Variants in PYROXD2 observed in about 807,000 individuals in gnomAD.
PYROXD2 encodes the protein pyridine nucleotide-disulphide oxidoreductase domain 2.
A neutral mutation model predicts 71.1 loss-of-function variants in PYROXD2; 69 were observed. The observed-to-expected ratio is 0.97, with a 90% CI of 0.80 to 1.19. The LOEUF (loss-of-function observed/expected upper bound fraction) is 1.19, where lower values mean the gene tolerates loss of function less well. PYROXD2 is among the 50% of genes most tolerant of loss of function. PYROXD2 has a pLI of 0.00. For synonymous variants in PYROXD2, 287 were observed against 302.7 expected (o/e 0.95, Z 0.54); for missense variants, 745 against 748.9 (o/e 0.99, Z 0.06).
chr10:98,396,814 C>A (rs1843201427), intron 6 of PYROXD2, among the ~76,000 whole-genome samples: 1 of 152,186 alleles, frequency 6.6e-6, no homozygotes, highest in Non-Finnish European at 1.5e-5. Flanking sequence ...CAGGGCAGGG[C>A]ACTCATGGGA....
intron 4 of PYROXD2, among the ~76,000 whole-genome samples, chr10:98,404,347 G>T (rs1843521580): frequency 6.6e-6 from 1 of 152,136 alleles, no homozygotes; most frequent in South Asian, 2.1e-4. Flanking sequence ...GAGCTGTGCT[G>T]GAGACTGTGA....
chr10:98,414,932 TC>T (rs1843947681), intron 1 of PYROXD2, 76 bp downstream of exon 1: 3 of 1,506,616 alleles, frequency 2.0e-6, no homozygotes, highest in African/African-American at 1.4e-5. Context: ...TGGCTCCCCC[TC>T]CCCCTCCCCA....
In PYROXD2 at chr10:98,387,279, A is replaced by T; in HGVS notation, c.1476T>A (p.Pro492=). ...RVFDCIEVYA[P]GFKDSVVGRD... ...TGCCAACCACAGAGTCCTTGAAGCCAGGGGCATAGACCTCGATGCAATCAA... is the reference window on the plus strand; with the variant it reads ...TGCCAACCACAGAGTCCTTGAAGCCTGGGGCATAGACCTCGATGCAATCAA... The change falls in exon 14 of 16, where the codon CCT becomes CCA. Residue 492 remains proline (P), a synonymous_variant. Transcript: ENST00000370575. 1 of 1,614,144 alleles carries T rather than the reference A, an allele frequency of 6.2e-7. No individual in the cohort carries two copies. The highest frequency in any genetic ancestry group is 8.5e-7 in the Non-Finnish European group (1 of 1,179,988).
chr10:98,384,712 C>CCTCCTGAAGGGGAGGTGTGAG (rs1302185995), intron 15 of PYROXD2, among the ~76,000 whole-genome samples: 1 of 152,220 alleles, frequency 6.6e-6, no homozygotes, highest in African/African-American at 2.4e-5. Context: ...CATCCCCAGG[C>CCTCCTGAAGGGGAGGTGTGAG]CTCCTGAAGG....
In PYROXD2 at chr10:98,389,244, T is replaced by C. The variant is rs1050492687; in HGVS notation, c.1293-736A>G. 2.6e-5 allele frequency among the ~76,000 whole-genome samples: 4 copies of C among 152,284 alleles called. 1 individual carries two copies. The highest frequency in any genetic ancestry group is 6.5e-5 in the Admixed American group (1 of 15,300). ...AGGCATCATTTCACAGTCGCTCCTT[T>C]TTTTGACCCACATCCCACTCCCTAT... On this transcript the variant is annotated intron_variant, in intron 12 of 15. Coordinates refer to ENST00000370575, the MANE Select transcript of PYROXD2 (RefSeq NM_032709.3).
chr10:98,392,759 C>G (rs1842989657), intron 9 of PYROXD2, among the ~76,000 whole-genome samples, 183 bp downstream of exon 9: 1 of 152,198 alleles, frequency 6.6e-6, no homozygotes, highest in African/African-American at 2.4e-5. Context: ...GTTCAGTGAC[C>G]AGGGAATTCC....
chr10:98,404,185 CG>C (rs61263072), intron 4 of PYROXD2, among the ~76,000 whole-genome samples: 1,805 of 152,266 alleles, frequency 0.012, 41 homozygotes, highest in African/African-American at 0.04. Context: ...TGTCAATCGC[CG>C]AGTTTTGGCC....
intron 4 of PYROXD2, among the ~76,000 whole-genome samples, chr10:98,400,582 T>C (rs986084937): frequency 6.6e-5 from 10 of 151,708 alleles, no homozygotes; most frequent in African/African-American, 2.2e-4. Context: ...ACACACACCA[T>C]GTCATACCAC....
chr10:98,395,711 C>T (rs529747513), intron 6 of PYROXD2, among the ~76,000 whole-genome samples: 19 of 152,268 alleles, frequency 1.2e-4, no homozygotes, highest in South Asian at 4.1e-4. Context: ...CCAAGGGCTA[C>T]GGTGAGGATT....
intron 14 of PYROXD2, among the ~76,000 whole-genome samples, chr10:98,386,503 A>G (rs558439448): frequency 2.0e-5 from 3 of 151,498 alleles, no homozygotes; most frequent in Non-Finnish European, 4.4e-5. Flanking sequence ...TGTGCATTCT[A>G]CACTTGCAGC....
Position 98,400,211 on chromosome 10 carries a change from G to A in PYROXD2, c.362C>T (p.Pro121Leu), listed in dbSNP as rs767882887. 5.6e-6 allele frequency: 9 copies of A among 1,612,846 alleles called. No individual in the cohort carries two copies. In the Middle Eastern group the frequency reaches 4.9e-4, roughly 89 times the overall value. ...GCTGCCTGCACCCTCTTCCAGCATG[G>A]GGGTGAAGGAGTAGGGGTTTCGAAG... The part of the protein sequence containing the change: ...LHLRNPYSFT[P>L]MLEEGAGSKV... Residue 121 changes from proline to leucine, a missense_variant, in exon 5 of 16, where the codon CCC (proline) becomes CTC (leucine). Transcript: ENST00000370575.
At chr10:98,408,059 C>A in intron 2 of PYROXD2, 62 bp from the exon 3 acceptor site, 3 of 1,490,884 alleles carry the variant, frequency 2.0e-6, no homozygotes, top group Non-Finnish European at 2.7e-6. Context: ...AGGGCTCCCT[C>A]GGGCTGACCC....
chr10:98,385,012 G>C lies in PYROXD2; in HGVS notation c.1610C>G (p.Pro537Arg). Residue 537 changes from proline (P) to arginine (R), a missense_variant, in exon 15 of 16, where the codon CCC (proline) becomes CGC (arginine). Coordinates refer to ENST00000370575, the MANE Select transcript of PYROXD2 (RefSeq NM_032709.3). ...AGGGCAGCGGTAGCCAGAATGCAGG[G>C]GCACGGGGCGGGCGAAGTAGAGCTG... Reference protein sequence around the residue: ...LDQLYFARPVPLHSGYRCPLQ... With the variant: ...LDQLYFARPVRLHSGYRCPLQ... The C allele has an allele frequency of 6.2e-7, 1 of 1,613,864 alleles. No homozygotes were observed. Among genetic ancestry groups the C allele is most frequent in the Non-Finnish European group, 8.5e-7 (1 of 1,179,918 alleles).
chr10:98,386,693 G>A (rs1842765133), intron 14 of PYROXD2, among the ~76,000 whole-genome samples: 1 of 152,030 alleles, frequency 6.6e-6, no homozygotes, highest in South Asian at 2.1e-4. Context: ...TGGAACCACA[G>A]GTACGCACCA....
At chr10:98,407,467 G>A (rs903273103) in intron 4 of PYROXD2, 115 bp downstream of exon 4, 2 of 1,278,448 alleles carry the variant, frequency 1.6e-6, no homozygotes, top group African/African-American at 3.0e-5. Context: ...GGGTGGAAGA[G>A]GGAGCCCTCA....
intron 4 of PYROXD2, among the ~76,000 whole-genome samples, chr10:98,401,271 A>C (rs991661362): frequency 1.3e-4 from 19 of 150,044 alleles, no homozygotes; most frequent in Non-Finnish European, 2.2e-4. Context: ...AAAAAACAAA[A>C]AAAAACAAAC....
Position 98,410,961 on chromosome 10 carries a change from G to A in PYROXD2, c.128-3C>T. 6.4e-7 allele frequency: 1 copy of A among 1,562,836 alleles called. No homozygotes were observed. The highest frequency in any genetic ancestry group is 1.2e-5 in the South Asian group (1 of 84,730). On this transcript the variant is annotated splice_polypyrimidine_tract_variant and splice_region_variant and intron_variant, in intron 1 of 15. Transcript: ENST00000370575. ...CACAGCCACCAGTCCGTTGTGTCCT[G>A]CAACAAAACGGGACAGGGAAGGAAA...
At chr10:98,397,877 CTTTTTTTTTT>C (rs60678578) in intron 5 of PYROXD2, among the ~76,000 whole-genome samples, 1 of 84,172 alleles carries the variant, frequency 1.2e-5, no homozygotes, top group Non-Finnish European at 2.2e-5. Flanking sequence ...GTCCTTTCTT[CTTTTTTTTTT>C]TTTTTTTTTT....
chr10:98,399,739 G>A (rs571188475), intron 5 of PYROXD2, among the ~76,000 whole-genome samples: 1 of 152,326 alleles, frequency 6.6e-6, no homozygotes, highest in African/African-American at 2.4e-5. Flanking sequence ...GTGCTTTAAT[G>A]TGGACAAACA....
Sources: allele counts gnomAD v4.1 joint callset (sites outside exome capture counted in the v4.1 genomes callset), GRCh38; gene constraint gnomAD v4.1.1; transcripts MANE v1.5; gene names NCBI Gene and HGNC (gene_info 2026-07-23, HGNC 2026-07-21).